The following ZNF496 variants were observed in gnomAD, a reference collection of about 807,000 sequenced individuals.
The protein encoded by ZNF496 is NSD1 (nuclear receptor binding SET-domain containing 1)-interacting zinc finger protein 1.
ZNF496 carries 11 observed loss-of-function variants against 58.9 expected under a neutral mutation model. The observed-to-expected ratio is 0.19, with a 90% CI of 0.12 to 0.31. ZNF496 has a LOEUF of 0.31. ZNF496 is among the 10% of genes least tolerant of loss of function. ZNF496 has a pLI of 1.00. For synonymous variants in ZNF496, 338 were observed against 318.2 expected (o/e 1.06, Z -0.66); for missense variants, 660 against 783.0 (o/e 0.84, Z 1.88).
In ZNF496 at chr1:247,314,445, TTTTAAAATTTCAA is replaced by T. The variant is rs758243712; in HGVS notation, c.652-4002_652-3990del. Among the ~76,000 whole-genome samples, 114 of 152,110 alleles carry T rather than the reference TTTTAAAATTTCAA, an allele frequency of 7.5e-4. 1 individual carries two copies. Among genetic ancestry groups the T allele is most frequent in the Admixed American group, 4.1e-3 (62 of 15,270 alleles). On this transcript the variant is annotated intron_variant, in intron 6 of 9. Transcript: ENST00000682384. ...TCAATGCTTCATTTTAAAATTTTCA[TTTTAAAATTTCAA>T]TTTAAAATGATGGTATATCCATATA...
chr1:247,310,155 T>A, intron 7 of ZNF496, 169 bp downstream of exon 7: 2 of 1,447,298 alleles, frequency 1.4e-6, no homozygotes, highest in Non-Finnish European at 1.8e-6. Flanking sequence ...ACACTGCCTG[T>A]AGGGCCGCTG....
At chr1:247,323,404 C>G (rs1420910139) in intron 5 of ZNF496, among the ~76,000 whole-genome samples, 174 bp from the exon 6 acceptor site, 1 of 152,158 alleles carries the variant, frequency 6.6e-6, no homozygotes, top group Non-Finnish European at 1.5e-5. Flanking sequence ...AGTCTCTGTT[C>G]TTAACTGTAA....
chr1:247,323,342 A>G, intron 5 of ZNF496, 112 bp from the exon 6 acceptor site: 2 of 708,344 alleles, frequency 2.8e-6, no homozygotes, highest in Non-Finnish European at 4.9e-6. Context: ...AAAGAAAATC[A>G]CAAGAGAGGC....
chr1:247,301,703 C>G (rs758045206), intron 9 of ZNF496, among the ~76,000 whole-genome samples: 3 of 152,194 alleles, frequency 2.0e-5, no homozygotes, highest in Non-Finnish European at 4.4e-5. Context: ...GAGGAAGACT[C>G]TACAACCTAC....
chr1:247,303,633 G>T (rs975722934), intron 9 of ZNF496, among the ~76,000 whole-genome samples: 1 of 152,228 alleles, frequency 6.6e-6, no homozygotes, highest in Non-Finnish European at 1.5e-5. Flanking sequence ...AACAGAAATT[G>T]TAAGTAAGGA....
chr1:247,302,831 G>A (rs990011816), intron 9 of ZNF496, among the ~76,000 whole-genome samples: 3 of 152,166 alleles, frequency 2.0e-5, no homozygotes, highest in African/African-American at 7.2e-5. Flanking sequence ...ACCTCATGGG[G>A]TGGAGACAAG....
intron 9 of ZNF496, among the ~76,000 whole-genome samples, chr1:247,303,812 G>A (rs1222498200): frequency 6.6e-6 from 1 of 152,178 alleles, no homozygotes; most frequent in Non-Finnish European, 1.5e-5. Flanking sequence ...TATCCATACG[G>A]CAAAAAATAA....
chr1:247,314,981 G>A (rs1294532507), intron 6 of ZNF496, among the ~76,000 whole-genome samples: 5 of 150,840 alleles, frequency 3.3e-5, no homozygotes, highest in Admixed American at 2.6e-4. Context: ...GAGCTCCTGA[G>A]CTCAAGTGAT....
At chr1:247,307,459 C>G in intron 9 of ZNF496, 1 of 985,370 alleles carries the variant, frequency 1.0e-6, no homozygotes, top group Non-Finnish European at 1.2e-6. Flanking sequence ...CAGAAAGAAG[C>G]TAGAGAAGAT....
At chr1:247,320,686 G>A (rs755552461) in intron 6 of ZNF496, among the ~76,000 whole-genome samples, 24 of 152,114 alleles carry the variant, frequency 1.6e-4, no homozygotes, top group Non-Finnish European at 3.1e-4. Flanking sequence ...TCTTACAATG[G>A]CATGTGAATC....
intron 9 of ZNF496, chr1:247,307,106 T>C (rs964631912): frequency 4.1e-6 from 4 of 985,308 alleles, no homozygotes; most frequent in Non-Finnish European, 4.8e-6. Context: ...GTGGCGGATG[T>C]AGTAGCATTA....
intron 6 of ZNF496, among the ~76,000 whole-genome samples, chr1:247,317,426 T>A (rs1659816103): frequency 6.6e-6 from 1 of 152,204 alleles, no homozygotes; most frequent in African/African-American, 2.4e-5. Flanking sequence ...GGCCCCTTCT[T>A]ACCAACACCA....
chr1:247,319,817 G>A (rs1659904134), intron 6 of ZNF496, among the ~76,000 whole-genome samples: 1 of 152,114 alleles, frequency 6.6e-6, no homozygotes, highest in Admixed American at 6.6e-5. Flanking sequence ...CAGCTACTCG[G>A]GAAGCTGAGG....
chr1:247,316,871 A>G (rs1659798103), intron 6 of ZNF496, among the ~76,000 whole-genome samples: 1 of 152,104 alleles, frequency 6.6e-6, no homozygotes, highest in Non-Finnish European at 1.5e-5. Flanking sequence ...TAAAAACAGG[A>G]CATTGATCTA....
At chr1:247,326,043 T>TATATATACACACACACACACAC (rs1660109493) in intron 5 of ZNF496, among the ~76,000 whole-genome samples, 1 of 56,524 alleles carries the variant, frequency 1.8e-5, no homozygotes, top group African/African-American at 4.4e-5. Context: ...CACGCATATA[T>TATATATACACACACACACACAC]ATATATACAC....
intron 5 of ZNF496, among the ~76,000 whole-genome samples, chr1:247,327,820 C>G (rs1056408135): frequency 7.0e-5 from 6 of 85,806 alleles, no homozygotes; most frequent in Non-Finnish European, 1.5e-4. Flanking sequence ...CCCCCCTGGC[C>G]CCCCAGACAC....
chr1:247,315,931 G>A (rs534072764), intron 6 of ZNF496, among the ~76,000 whole-genome samples: 1 of 152,200 alleles, frequency 6.6e-6, no homozygotes, highest in East Asian at 1.9e-4. Flanking sequence ...TCTGCTGCTC[G>A]GAAGAGGTCA....
chr1:247,304,474 C>T (rs1225543352), intron 9 of ZNF496, among the ~76,000 whole-genome samples: 1 of 151,408 alleles, frequency 6.6e-6, no homozygotes, highest in Non-Finnish European at 1.5e-5. Context: ...TGGGTTCAAG[C>T]AATTCTCCTG....
intron 2 of ZNF496, among the ~76,000 whole-genome samples, chr1:247,330,866 C>T (rs988442870): frequency 5.9e-5 from 9 of 152,286 alleles, no homozygotes; most frequent in African/African-American, 2.2e-4. Flanking sequence ...TACGGAACAA[C>T]TGAGTGGTTC....
Sources: gnomAD v4.1 joint callset for allele counts (sites outside exome capture counted in the v4.1 genomes callset) on GRCh38, gnomAD v4.1.1 for gene constraint, MANE v1.5 for transcripts, NCBI Gene and HGNC (gene_info 2026-07-23, HGNC 2026-07-21) for gene names.